MYT1L: variants seen among roughly 807,000 people sequenced by gnomAD.
MYT1L encodes myelin transcription factor 1-like protein.
A neutral mutation model predicts 126.7 loss-of-function variants in MYT1L; 12 were observed. That is an observed-to-expected ratio of 0.09 (90% CI 0.06 to 0.15). The LOEUF (loss-of-function observed/expected upper bound fraction) is 0.15. Ranked by LOEUF, MYT1L falls within the 10% of genes least tolerant of loss-of-function variation. MYT1L has a pLI of 1.00. For missense variants in MYT1L, 979 were observed against 1,585.2 expected (o/e 0.62, Z 6.49); for synonymous variants, 541 against 604.2 (o/e 0.90, Z 1.53).
chr2:1,993,690 G>C (rs1427319062), intron 5 of MYT1L, among the ~76,000 whole-genome samples: 1 of 152,116 alleles, frequency 6.6e-6, no homozygotes, highest in Non-Finnish European at 1.5e-5. Flanking sequence ...TTCCAGAATA[G>C]AGTTTTCTAA....
chr2:2,221,489 G>A (rs1056944608), intron 2 of MYT1L, among the ~76,000 whole-genome samples: 7 of 152,148 alleles, frequency 4.6e-5, no homozygotes, highest in Non-Finnish European at 1.0e-4. Context: ...TGGCCACACT[G>A]TAGTCTGAAT....
At chr2:2,004,294 C>G (rs1443713032) in intron 4 of MYT1L, among the ~76,000 whole-genome samples, 2 of 143,420 alleles carry the variant, frequency 1.4e-5, no homozygotes, top group Non-Finnish European at 3.1e-5. Context: ...TGCATGCGTT[C>G]TTTCCTGCAT....
intron 18 of MYT1L, among the ~76,000 whole-genome samples, chr2:1,859,307 T>C (rs1448385033): frequency 6.6e-6 from 1 of 152,230 alleles, no homozygotes; most frequent in East Asian, 1.9e-4. Context: ...TTTCTTTTGG[T>C]TCCCAGCACT....
chr2:2,031,845 G>C (rs1377675432), intron 4 of MYT1L, among the ~76,000 whole-genome samples: 334 of 102,106 alleles, frequency 3.3e-3, no homozygotes, highest in African/African-American at 0.013. Flanking sequence ...CACACCCCTC[G>C]CCAGTGCCTC....
chr2:2,306,170 T>C (rs1378354228), intron 1 of MYT1L: 3 of 152,156 alleles, frequency 2.0e-5, no homozygotes, highest in Non-Finnish European at 2.9e-5. Flanking sequence ...TGGGACAAAG[T>C]ATTGAGAAAA....
chr2:2,004,304 T>TGCGTTCTTTCCTGCAG (rs1558698286), intron 4 of MYT1L, among the ~76,000 whole-genome samples: 5 of 120,448 alleles, frequency 4.2e-5, no homozygotes, highest in African/African-American at 6.2e-5. Flanking sequence ...CTTTCCTGCA[T>TGCGTTCTTTCCTGCAG]GCGTTCTTTC....
At chr2:2,000,015 C>A (rs1234690282) in intron 4 of MYT1L, among the ~76,000 whole-genome samples, 2 of 152,214 alleles carry the variant, frequency 1.3e-5, no homozygotes, top group South Asian at 2.1e-4. Flanking sequence ...AAAGAGCCAA[C>A]AGAACAAAGA....
chr2:2,227,254 C>T (rs1487992301), intron 2 of MYT1L, among the ~76,000 whole-genome samples: 1 of 152,118 alleles, frequency 6.6e-6, no homozygotes, highest in East Asian at 1.9e-4. Flanking sequence ...GATTAAATAT[C>T]ATCTCTACAT....
intron 4 of MYT1L, among the ~76,000 whole-genome samples, chr2:2,020,336 AT>A (rs1175447434): frequency 9.2e-5 from 14 of 152,206 alleles, no homozygotes; most frequent in African/African-American, 3.1e-4. Flanking sequence ...ACATACCTAT[AT>A]TTCTCAAGGG....
At chr2:1,882,081 C>T (rs2047631164) in intron 18 of MYT1L, among the ~76,000 whole-genome samples, 1 of 152,202 alleles carries the variant, frequency 6.6e-6, no homozygotes, top group South Asian at 2.1e-4. Flanking sequence ...AGCACCCCTT[C>T]CCCGCTTTCC....
intron 2 of MYT1L, among the ~76,000 whole-genome samples, chr2:2,278,601 G>C (rs2095401982): frequency 6.6e-6 from 1 of 152,156 alleles, no homozygotes. Flanking sequence ...AAAAGTTTCA[G>C]TGTGCATATC....
chr2:2,154,616 G>A (rs1048894999), intron 3 of MYT1L, among the ~76,000 whole-genome samples: 1 of 152,176 alleles, frequency 6.6e-6, no homozygotes, highest in African/African-American at 2.4e-5. Context: ...TTATAAGTGG[G>A]ACTTGAATGA....
intron 3 of MYT1L, among the ~76,000 whole-genome samples, chr2:2,110,921 G>A (rs2079360989): frequency 6.6e-6 from 1 of 152,182 alleles, no homozygotes; most frequent in African/African-American, 2.4e-5. Flanking sequence ...GGGCCCTGGA[G>A]TTGAGCTGGT....
At chr2:2,068,808 A>C (rs1019697316) in intron 3 of MYT1L, among the ~76,000 whole-genome samples, 2 of 97,780 alleles carry the variant, frequency 2.0e-5, no homozygotes, top group African/African-American at 7.6e-5. Context: ...TCATATGTAT[A>C]AGTTCAAGTA....
chr2:2,226,929 G>A (rs528711802), intron 2 of MYT1L, among the ~76,000 whole-genome samples: 2 of 152,286 alleles, frequency 1.3e-5, no homozygotes, highest in African/African-American at 4.8e-5. Flanking sequence ...ATATTAACAA[G>A]TATGCCAGCA....
chr2:2,201,482 G>A (rs1014966990), intron 2 of MYT1L, among the ~76,000 whole-genome samples: 7 of 152,056 alleles, frequency 4.6e-5, no homozygotes, highest in South Asian at 2.1e-4. Flanking sequence ...GGCGGATCAC[G>A]AGGTCAAGAG....
intron 2 of MYT1L, among the ~76,000 whole-genome samples, chr2:2,199,921 C>T (rs1331027737): frequency 6.6e-6 from 1 of 152,154 alleles, no homozygotes; most frequent in Non-Finnish European, 1.5e-5. Flanking sequence ...GCTCAGAGTG[C>T]TCCAACATTT....
At chr2:1,868,710 G>A (rs889744111) in intron 18 of MYT1L, among the ~76,000 whole-genome samples, 3 of 152,226 alleles carry the variant, frequency 2.0e-5, no homozygotes, top group African/African-American at 7.2e-5. Context: ...CTGGGGCTGA[G>A]AGGCAGGGGG....
intron 4 of MYT1L, among the ~76,000 whole-genome samples, chr2:2,039,352 A>G (rs921014786): frequency 2.6e-5 from 4 of 151,900 alleles, no homozygotes; most frequent in African/African-American, 9.7e-5. Context: ...ACAGTGCGCT[A>G]TGATTGCACC....
Sources: allele counts gnomAD v4.1 joint callset (sites outside exome capture counted in the v4.1 genomes callset), GRCh38; gene constraint gnomAD v4.1.1; transcripts MANE v1.5; gene names NCBI Gene and HGNC (gene_info 2026-07-23, HGNC 2026-07-21).